The following MAML3 variants were observed in gnomAD, a reference collection of about 807,000 sequenced individuals.
MAML3 encodes the protein mastermind-like protein 3.
MAML3 carries 27 observed loss-of-function variants against 101.9 expected under a neutral mutation model. The ratio of observed to expected loss-of-function variants is 0.27; its 90% CI spans 0.20 to 0.37. The LOEUF is 0.37. Ranked by LOEUF, MAML3 falls within the 10% of genes least tolerant of loss-of-function variation. MAML3 has a pLI of 1.00. For synonymous variants in MAML3, 501 were observed against 555.9 expected, an observed-to-expected ratio of 0.90 and a Z score of 1.39; for missense variants, 1,316 against 1,444.9, an observed-to-expected ratio of 0.91 and a Z score of 1.45.
chr4:140,150,842 A>G (rs958482751), intron 1 of MAML3, among the ~76,000 whole-genome samples: 13 of 152,176 alleles, frequency 8.5e-5, no homozygotes, highest in Non-Finnish European at 1.6e-4. Context: ...TCCGGCTACA[A>G]TCAGAAAAAC....
chr4:140,136,809 A>C (rs1318247284), intron 1 of MAML3, among the ~76,000 whole-genome samples: 2 of 152,244 alleles, frequency 1.3e-5, no homozygotes, highest in East Asian at 1.9e-4. Flanking sequence ...TATTAAACAA[A>C]GATTCCTCAA....
At chr4:140,107,506 GCT>G (rs1491133494) in intron 1 of MAML3, among the ~76,000 whole-genome samples, 1 of 137,228 alleles carries the variant, frequency 7.3e-6, no homozygotes, top group Non-Finnish European at 1.6e-5. Context: ...TGAAAAAAAT[GCT>G]TTTTTTTTTT....
chr4:140,116,733 GT>G (rs1216473944), intron 1 of MAML3, among the ~76,000 whole-genome samples: 4 of 152,182 alleles, frequency 2.6e-5, no homozygotes, highest in Admixed American at 6.5e-5. Context: ...ATGGCAGCAG[GT>G]TTTTAGAAAG....
chr4:139,761,183 CT>C (rs1374277696), intron 2 of MAML3, among the ~76,000 whole-genome samples: 5 of 152,212 alleles, frequency 3.3e-5, no homozygotes, highest in African/African-American at 1.2e-4. Flanking sequence ...TGGTCTTGAA[CT>C]CCTGACCTCA....
In MAML3 at chr4:140,065,280, G is replaced by A. The variant is rs116182970; in HGVS notation, c.468+87580C>T. Among the ~76,000 whole-genome samples, 1,472 of 151,744 alleles carry A rather than the reference G, an allele frequency of 9.7e-3. 37 individuals carry two copies. Among genetic ancestry groups the A allele is most frequent in the African/African-American group, 0.034 (1,404 of 41,436 alleles). On this transcript the variant is annotated intron_variant, in intron 1 of 4. Transcript: ENST00000509479. ...AACACTCAGTTGTATTTGGACTTAC[G>A]GTTTGCTTTTTTTTTTTCCCCGAGA...
At chr4:139,742,302 C>T (rs1729196083) in intron 2 of MAML3, among the ~76,000 whole-genome samples, 2 of 152,230 alleles carry the variant, frequency 1.3e-5, no homozygotes, top group Admixed American at 6.5e-5. Context: ...GCGTGTGCCA[C>T]CACGCCCGGC....
rs1466203013 is a variant in MAML3, at chr4:139,964,472, CG to C, written c.469-73506del. On this transcript the variant is annotated intron_variant, in intron 1 of 4. Coordinates refer to ENST00000509479, the MANE Select transcript of MAML3 (RefSeq NM_018717.5). Reference sequence around the variant, plus strand: ...GGGTGAGGGGAGGGAACTTAGAGGACGGGTCAATAAGTGCAGCAAACCACCA... The same window carrying C: ...GGGTGAGGGGAGGGAACTTAGAGGACGGTCAATAAGTGCAGCAAACCACCA... 5.9e-5 allele frequency among the ~76,000 whole-genome samples: 9 copies of C among 152,072 alleles called. No individual in the cohort carries two copies. The East Asian group carries it at 1.7e-3, about 29-fold the overall frequency.
intron 2 of MAML3, among the ~76,000 whole-genome samples, chr4:139,885,960 A>AG (rs1732329716): frequency 1.5e-5 from 2 of 134,342 alleles, no homozygotes; most frequent in Admixed American, 8.1e-5. Context: ...AAAAAAAAGA[A>AG]AGAGAAAAAA....
At chr4:140,152,336 T>C (rs1287197555) in intron 1 of MAML3, among the ~76,000 whole-genome samples, 1 of 152,030 alleles carries the variant, frequency 6.6e-6, no homozygotes, top group Non-Finnish European at 1.5e-5. Flanking sequence ...CTTCCCCGCT[T>C]CCCCCCTAGG....
chr4:139,837,909 G>A (rs1731286515), intron 2 of MAML3, among the ~76,000 whole-genome samples: 2 of 152,036 alleles, frequency 1.3e-5, no homozygotes, highest in African/African-American at 2.4e-5. Context: ...TACAGAGTGA[G>A]ACTCGGTCTC....
intron 2 of MAML3, among the ~76,000 whole-genome samples, chr4:139,834,074 T>C (rs891944794): frequency 1.3e-5 from 2 of 152,320 alleles, no homozygotes; most frequent in Admixed American, 6.5e-5. Context: ...AAATCACTTA[T>C]GTAACTTTGT....
intron 1 of MAML3, among the ~76,000 whole-genome samples, chr4:140,110,864 GGT>G (rs954056581): frequency 7.9e-5 from 12 of 152,090 alleles, no homozygotes; most frequent in South Asian, 4.1e-4. Context: ...CTAGCTTTGT[GGT>G]TAGCATAAAA....
intron 1 of MAML3, among the ~76,000 whole-genome samples, chr4:139,994,290 TAGTCTTA>T (rs1281184315): frequency 6.6e-6 from 1 of 152,252 alleles, no homozygotes; most frequent in Admixed American, 6.5e-5. Flanking sequence ...ATTGCTAACT[TAGTCTTA>T]AGTCTTTTCT....
chr4:139,801,345 T>G (rs982101114), intron 2 of MAML3, among the ~76,000 whole-genome samples: 2 of 152,246 alleles, frequency 1.3e-5, no homozygotes, highest in African/African-American at 4.8e-5. Context: ...TAACTGGGTT[T>G]CCTTTTTCTG....
At chr4:139,810,113 C>T (rs1730770773) in intron 2 of MAML3, among the ~76,000 whole-genome samples, 1 of 150,916 alleles carries the variant, frequency 6.6e-6, no homozygotes, top group Non-Finnish European at 1.5e-5. Context: ...TTTTTTTTGA[C>T]TTGTGATTTC....
At chr4:139,762,646 C>A (rs1352380321) in intron 2 of MAML3, among the ~76,000 whole-genome samples, 4 of 152,178 alleles carry the variant, frequency 2.6e-5, no homozygotes, top group Non-Finnish European at 4.4e-5. Context: ...GAATACAAAA[C>A]TTATGTTTGC....
At chr4:140,073,460 C>T (rs1727699272) in intron 1 of MAML3, among the ~76,000 whole-genome samples, 1 of 151,956 alleles carries the variant, frequency 6.6e-6, no homozygotes, top group Non-Finnish European at 1.5e-5. Flanking sequence ...AACAAAATTT[C>T]TTATAGACTT....
intron 1 of MAML3, among the ~76,000 whole-genome samples, chr4:140,069,321 A>G (rs1489921005): frequency 7.9e-5 from 10 of 126,018 alleles, no homozygotes; most frequent in Non-Finnish European, 1.6e-4. Flanking sequence ...GACTCTGTCC[A>G]AGAAGAAGGA....
intron 4 of MAML3, among the ~76,000 whole-genome samples, chr4:139,724,491 T>C (rs1404248047): frequency 6.6e-6 from 1 of 152,236 alleles, no homozygotes; most frequent in Non-Finnish European, 1.5e-5. Flanking sequence ...CCCAGTCTAT[T>C]GATAAAGTTC....
Sources: allele counts gnomAD v4.1 joint callset (sites outside exome capture counted in the v4.1 genomes callset), GRCh38; gene constraint gnomAD v4.1.1; transcripts MANE v1.5; gene names NCBI Gene and HGNC (gene_info 2026-07-23, HGNC 2026-07-21).